Variants in SYNPO2 observed in about 807,000 individuals in gnomAD.
SYNPO2 encodes synaptopodin-2.
A neutral mutation model predicts 85.0 loss-of-function variants in SYNPO2; 56 were observed. That is an observed-to-expected ratio of 0.66 (90% CI 0.53 to 0.82). The LOEUF (loss-of-function observed/expected upper bound fraction) is 0.82. Among genes scored for constraint, SYNPO2 ranks in the 40% least tolerant of loss-of-function variants. The probability of loss-of-function intolerance (pLI) is 0.00; values close to 1 mark genes in which losing one functional copy is unlikely to be tolerated. For missense variants in SYNPO2, 1,575 were observed against 1,534.2 expected (o/e 1.03, Z -0.44); for synonymous variants, 602 against 591.1 (o/e 1.02, Z -0.27).
chr4:118,996,595 CGCCCGTAATCCCAGCACTTTGGGAG>C (rs1407792890), intron 1 of SYNPO2, among the ~76,000 whole-genome samples: 1 of 152,108 alleles, frequency 6.6e-6, no homozygotes, highest in Non-Finnish European at 1.5e-5. Context: ...CAGGTGCTCA[CGCCCGTAATCCCAGCACTTTGGGAG>C]GCCAGTGGGG....
At chr4:119,036,328 T>C (rs911661275) in intron 4 of SYNPO2, 2 of 985,322 alleles carry the variant, frequency 2.0e-6, no homozygotes, top group Non-Finnish European at 1.2e-6. Context: ...AGAAAAAATA[T>C]ATAAATTCTA....
chr4:119,001,091 G>A (rs1223410842), intron 1 of SYNPO2, among the ~76,000 whole-genome samples: 1 of 152,150 alleles, frequency 6.6e-6, no homozygotes, highest in Non-Finnish European at 1.5e-5. Context: ...CATACCCACT[G>A]TTCGTTTTCT....
chr4:118,995,839 A>G (rs547639443), intron 1 of SYNPO2, among the ~76,000 whole-genome samples: 1 of 151,624 alleles, frequency 6.6e-6, no homozygotes, highest in African/African-American at 2.4e-5. Context: ...TTCATTCTTT[A>G]TCTGTCCATG....
At chr4:119,003,347 G>A (rs1736893195) in intron 1 of SYNPO2, among the ~76,000 whole-genome samples, 1 of 152,104 alleles carries the variant, frequency 6.6e-6, no homozygotes, top group South Asian at 2.1e-4. Context: ...ACAGCATGGG[G>A]GAAACCACCC....
chr4:118,874,408 C>T (rs1409112020), intron 1 of SYNPO2, among the ~76,000 whole-genome samples: 2 of 152,064 alleles, frequency 1.3e-5, no homozygotes, highest in Non-Finnish European at 2.9e-5. Context: ...GAAAAAATTA[C>T]ACAAATTAAT....
At chr4:119,034,341 T>C (rs1738410065) in intron 4 of SYNPO2, 1 of 978,904 alleles carries the variant, frequency 1.0e-6, no homozygotes, top group Non-Finnish European at 1.2e-6. Flanking sequence ...AGGATGGTAA[T>C]GACCCAGAAG....
At chr4:118,888,244 A>G (rs563623232), upstream of SYNPO2, among the ~76,000 whole-genome samples, 1 of 152,326 alleles carries the variant, frequency 6.6e-6, no homozygotes, top group Non-Finnish European at 1.5e-5. Context: ...AGTTTCCAGG[A>G]GAAAAATTCA....
At chr4:118,932,417 A>G (rs1047647542) in intron 1 of SYNPO2, among the ~76,000 whole-genome samples, 1 of 152,210 alleles carries the variant, frequency 6.6e-6, no homozygotes, top group Non-Finnish European at 1.5e-5. Flanking sequence ...TGCATCTGAC[A>G]TGTTATTGTT....
chr4:119,021,312 A>C (rs1737711801), intron 1 of SYNPO2, among the ~76,000 whole-genome samples: 1 of 152,228 alleles, frequency 6.6e-6, no homozygotes, highest in Non-Finnish European at 1.5e-5. Flanking sequence ...TTATCATTTA[A>C]GACTTTAGCA....
At chr4:118,986,443 T>G (rs972953) in intron 1 of SYNPO2, among the ~76,000 whole-genome samples, 2 of 152,116 alleles carry the variant, frequency 1.3e-5, no homozygotes, top group Admixed American at 6.5e-5. Context: ...AGAATGTTCT[T>G]TGGGTTAGGT....
intron 1 of SYNPO2, among the ~76,000 whole-genome samples, chr4:119,018,416 G>C (rs1737597973): frequency 1.3e-5 from 2 of 152,084 alleles, no homozygotes; most frequent in African/African-American, 4.8e-5. Context: ...TGGGAGTGCA[G>C]ATATCCCTTC....
At chr4:118,895,550 A>G (rs1732523503) in intron 1 of SYNPO2, among the ~76,000 whole-genome samples, 1 of 152,126 alleles carries the variant, frequency 6.6e-6, no homozygotes, top group Non-Finnish European at 1.5e-5. Context: ...ACAGGAAATC[A>G]GGCTTCTGAT....
intron 2 of SYNPO2, among the ~76,000 whole-genome samples, chr4:119,025,938 G>A (rs779908380): frequency 6.6e-6 from 1 of 152,138 alleles, no homozygotes; most frequent in Non-Finnish European, 1.5e-5. Flanking sequence ...GGAACAGTTT[G>A]ACTTCAGATA....
chr4:119,032,665 T>A (rs1488129555), intron 4 of SYNPO2: 2 of 985,740 alleles, frequency 2.0e-6, no homozygotes, highest in East Asian at 2.3e-4. Flanking sequence ...GAGCACTTAT[T>A]ATGTATTAGG....
chr4:119,005,885 G>T (rs1180609980), intron 1 of SYNPO2: 3 of 152,148 alleles, frequency 2.0e-5, no homozygotes, highest in Non-Finnish European at 2.9e-5. Flanking sequence ...AGCTAGTCTA[G>T]GAACATTAAA....
At chr4:118,872,259 A>C (rs1202306574) in intron 1 of SYNPO2, among the ~76,000 whole-genome samples, 3 of 152,182 alleles carry the variant, frequency 2.0e-5, no homozygotes, top group African/African-American at 7.2e-5. Context: ...ACGGGAGCAT[A>C]GGAGAGCCAG....
rs1733707693 is a variant in SYNPO2 at position 118,926,275 on chromosome 4, G to A, written c.105+37134G>A. ...AGTAGGTGATAGGGAACTATTCAAA[G>A]CATTAGCAAAAATGAATTTTTTTCA... On this transcript the variant is annotated intron_variant, in intron 1 of 4. Coordinates refer to ENST00000307142, the MANE Select transcript of SYNPO2 (RefSeq NM_133477.3). Among the ~76,000 whole-genome samples the A allele has an allele frequency of 2.0e-5, 3 of 152,236 alleles. No homozygotes were observed. The South Asian group carries it at 6.2e-4, about 32-fold the overall frequency.
At chr4:118,853,817 A>G (rs183344320) in intron 1 of SYNPO2, among the ~76,000 whole-genome samples, 25 of 152,274 alleles carry the variant, frequency 1.6e-4, no homozygotes, top group African/African-American at 6.0e-4. Context: ...CAGGCTGCCA[A>G]TTAGCAGTGT....
chr4:119,042,229 C>T (rs1346446495), intron 4 of SYNPO2: 1 of 151,328 alleles, frequency 6.6e-6, no homozygotes, highest in Non-Finnish European at 1.5e-5. Context: ...TTTGAATATT[C>T]TTTTTTTAAA....
Sources: allele counts gnomAD v4.1 joint callset (sites outside exome capture counted in the v4.1 genomes callset), GRCh38; gene constraint gnomAD v4.1.1; transcripts MANE v1.5; gene names NCBI Gene and HGNC (gene_info 2026-07-23, HGNC 2026-07-21).